The following MIPEP variants were observed in gnomAD, a reference collection of about 807,000 sequenced individuals.
MIPEP encodes the protein mitochondrial intermediate peptidase.
In MIPEP, 79 loss-of-function variants were observed where a neutral mutation model predicts 90.3. The ratio of observed to expected loss-of-function variants is 0.87; its 90% CI spans 0.73 to 1.05. The LOEUF (loss-of-function observed/expected upper bound fraction) is 1.05. Among genes scored for constraint, MIPEP ranks in the 50% least tolerant of loss-of-function variants. MIPEP has a pLI of 0.00. For synonymous variants in MIPEP, 334 were observed against 315.8 expected, an observed-to-expected ratio of 1.06 and a Z score of -0.61; for missense variants, 940 against 905.6, an observed-to-expected ratio of 1.04 and a Z score of -0.49.
intron 14 of MIPEP, among the ~76,000 whole-genome samples, 170 bp from the exon 15 acceptor site, chr13:23,810,094 A>G (rs1953155471): frequency 1.3e-5 from 2 of 152,256 alleles, no homozygotes; most frequent in South Asian, 4.1e-4. Flanking sequence ...CAACATGAAT[A>G]AAGACATTCT....
intron 16 of MIPEP, among the ~76,000 whole-genome samples, chr13:23,801,995 G>T (rs1267799999): frequency 6.6e-6 from 1 of 151,940 alleles, no homozygotes; most frequent in African/African-American, 2.4e-5. Context: ...TTGAATTGCT[G>T]GGTCATAGGG....
chr13:23,822,237 C>T (rs1953314702), intron 14 of MIPEP, among the ~76,000 whole-genome samples: 1 of 152,082 alleles, frequency 6.6e-6, no homozygotes, highest in South Asian at 2.1e-4. Flanking sequence ...TGTAATAATC[C>T]AACCTGAATT....
At chr13:23,771,945 C>T (rs1341806386) in intron 16 of MIPEP, among the ~76,000 whole-genome samples, 1 of 152,080 alleles carries the variant, frequency 6.6e-6, no homozygotes, top group Non-Finnish European at 1.5e-5. Context: ...CAGACGTGTG[C>T]AATTAGGAGG....
chr13:23,781,212 G>A (rs1407219941), intron 16 of MIPEP, among the ~76,000 whole-genome samples: 1 of 152,088 alleles, frequency 6.6e-6, no homozygotes, highest in African/African-American at 2.4e-5. Context: ...GAGAAAGGTC[G>A]GGTTACCCAC....
At chr13:23,857,829 T>C (rs943061) in intron 10 of MIPEP, among the ~76,000 whole-genome samples, 143,061 of 152,244 alleles carry the variant, frequency 0.94, 67,247 homozygotes, top group East Asian at 1. Flanking sequence ...TGACAAATGC[T>C]GAAATAAATA....
chr13:23,868,335 C>T (rs879415910), intron 7 of MIPEP, among the ~76,000 whole-genome samples: 10 of 152,186 alleles, frequency 6.6e-5, no homozygotes, highest in Non-Finnish European at 1.0e-4. Context: ...GTAGCTTAAC[C>T]GAGAGCCCTG....
intron 7 of MIPEP, among the ~76,000 whole-genome samples, chr13:23,868,323 C>G (rs9318099): frequency 0.41 from 62,150 of 152,018 alleles, 12,937 homozygotes; most frequent in African/African-American, 0.46. Flanking sequence ...CGTGACACGC[C>G]TGTAGCTTAA....
intron 15 of MIPEP, among the ~76,000 whole-genome samples, chr13:23,808,355 T>C (rs1953135796): frequency 6.6e-6 from 1 of 152,162 alleles, no homozygotes; most frequent in African/African-American, 2.4e-5. Flanking sequence ...CGCCTCGGCC[T>C]CCCAACGTGC....
chr13:23,876,195 A>T (rs1013956733), intron 4 of MIPEP, among the ~76,000 whole-genome samples: 4 of 152,160 alleles, frequency 2.6e-5, no homozygotes, highest in Admixed American at 6.5e-5. Flanking sequence ...ATCATCCCAA[A>T]CCAGAACTAC....
chr13:23,750,514 G>A (rs1430684105), intron 18 of MIPEP, among the ~76,000 whole-genome samples: 1 of 152,194 alleles, frequency 6.6e-6, no homozygotes, highest in African/African-American at 2.4e-5. Context: ...GGGTTTCTGG[G>A]AGGAAAACTT....
chr13:23,781,730 C>T lies in MIPEP; in HGVS notation c.1849-21513G>A, dbSNP rs565880112. Among the ~76,000 whole-genome samples the T allele has an allele frequency of 2.3e-3, 343 of 152,172 alleles. 4 individuals carry two copies. In the Middle Eastern group the frequency reaches 0.031, roughly 14 times the overall value. On this transcript the variant is annotated intron_variant, in intron 16 of 18. Transcript: ENST00000382172. ...AATCCATCTCATGTGCAGAGACACA[C>T]ATAGACTCAAAATAAAGGGATGGAG...
Position 23,874,841 on chromosome 13 carries a change from T to C in MIPEP, c.603+5A>G, listed in dbSNP as rs1870992149. The C allele has an allele frequency of 6.3e-7, 1 of 1,584,330 alleles. No individual in the cohort carries two copies. Among genetic ancestry groups the C allele is most frequent in the Non-Finnish European group, 8.5e-7 (1 of 1,170,364 alleles). ...AAGAGTCAAAAAAACAGCAGAAAGA[T>C]GTACCTTTTCTTTGTCTAGATGGAT... is the stretch of plus-strand genomic sequence containing the variant. On this transcript the variant is annotated splice_donor_5th_base_variant and intron_variant, in intron 5 of 18. Transcript: ENST00000382172.
chr13:23,796,368 C>T (rs893128848), intron 16 of MIPEP, among the ~76,000 whole-genome samples: 1 of 151,966 alleles, frequency 6.6e-6, no homozygotes, highest in African/African-American at 2.4e-5. Context: ...AGTAAGCTGG[C>T]ATCGTTCCAC....
chr13:23,819,571 A>C (rs1301916253), intron 14 of MIPEP, among the ~76,000 whole-genome samples: 1 of 152,310 alleles, frequency 6.6e-6, no homozygotes, highest in African/African-American at 2.4e-5. Flanking sequence ...CTCATAAACC[A>C]TATTAATTTT....
At chr13:23,870,936 C>T (rs1263205165) in intron 5 of MIPEP, among the ~76,000 whole-genome samples, 2 of 152,220 alleles carry the variant, frequency 1.3e-5, no homozygotes, top group Non-Finnish European at 2.9e-5. Context: ...CTATGTGGGG[C>T]TGAGGCAGCA....
At chr13:23,774,247 A>T (rs1442390881) in intron 16 of MIPEP, among the ~76,000 whole-genome samples, 3 of 151,700 alleles carry the variant, frequency 2.0e-5, no homozygotes, top group Non-Finnish European at 4.4e-5. Flanking sequence ...CTGGAATCTC[A>T]GTTGTATTCC....
chr13:23,802,372 C>T (rs1024898800), intron 16 of MIPEP, among the ~76,000 whole-genome samples: 1 of 152,118 alleles, frequency 6.6e-6, no homozygotes, highest in Non-Finnish European at 1.5e-5. Context: ...GTCAGGAGTT[C>T]AAGACCAGCC....
intron 16 of MIPEP, among the ~76,000 whole-genome samples, chr13:23,794,084 CTG>C (rs1272841017): frequency 6.6e-6 from 1 of 152,156 alleles, no homozygotes; most frequent in Non-Finnish European, 1.5e-5. Flanking sequence ...TAGGGGAAGA[CTG>C]TGAGTCCAGT....
At chr13:23,860,093 G>A (rs1870223585) in intron 9 of MIPEP, among the ~76,000 whole-genome samples, 1 of 152,202 alleles carries the variant, frequency 6.6e-6, no homozygotes, top group Non-Finnish European at 1.5e-5. Flanking sequence ...AAAACAAGAG[G>A]ATGATAGCCT....
Sources: allele counts gnomAD v4.1 joint callset (sites outside exome capture counted in the v4.1 genomes callset), GRCh38; gene constraint gnomAD v4.1.1; transcripts MANE v1.5; gene names NCBI Gene and HGNC (gene_info 2026-07-23, HGNC 2026-07-21).